Variants in LAMA2 observed in about 807,000 individuals in gnomAD.
The protein encoded by LAMA2 is laminin subunit alpha 2, also known as laminin subunit alpha-2.
A neutral mutation model predicts 364.8 loss-of-function variants in LAMA2; 269 were observed. That is an observed-to-expected ratio of 0.74 (90% confidence interval 0.67 to 0.82). LAMA2 has a LOEUF of 0.82. LAMA2 is among the 40% of genes least tolerant of loss of function. LAMA2 has a pLI of 0.00. For missense variants in LAMA2, 3,807 were observed against 3,873.2 expected, an observed-to-expected ratio of 0.98 and a Z score of 0.45; for synonymous variants, 1,379 against 1,370.6, an observed-to-expected ratio of 1.01 and a Z score of -0.14.
intron 12 of LAMA2, among the ~76,000 whole-genome samples, chr6:129,205,478 G>GTATATATATATATAGATATATATATATA (rs1782568520): frequency 1.7e-5 from 2 of 116,428 alleles, no homozygotes; most frequent in Non-Finnish European, 3.3e-5. Context: ...TATTCTGTAA[G>GTATATATATATATAGATATATATATATA]TATATATATA....
At chr6:129,441,564 T>C (rs1215520701) in intron 43 of LAMA2, among the ~76,000 whole-genome samples, 1 of 152,160 alleles carries the variant, frequency 6.6e-6, no homozygotes, top group Non-Finnish European at 1.5e-5. Flanking sequence ...TATAAAATTA[T>C]ATTGACTTAA....
intron 17 of LAMA2, among the ~76,000 whole-genome samples, chr6:129,279,481 T>C (rs771334318): frequency 6.6e-6 from 1 of 152,174 alleles, no homozygotes; most frequent in Non-Finnish European, 1.5e-5. Flanking sequence ...AGGTTTATGA[T>C]AAGTTTAGGT....
chr6:129,058,207 C>T (rs1174991055), intron 2 of LAMA2, among the ~76,000 whole-genome samples: 2 of 152,202 alleles, frequency 1.3e-5, no homozygotes, highest in Non-Finnish European at 2.9e-5. Context: ...CCTTATATTA[C>T]TTGGAAAATG....
intron 29 of LAMA2, among the ~76,000 whole-genome samples, chr6:129,337,206 A>T (rs1748647575): frequency 6.6e-6 from 1 of 152,214 alleles, no homozygotes; most frequent in African/African-American, 2.4e-5. Context: ...AAGAGTCCTT[A>T]CTTGATTGCA....
At position 129,059,826 on chromosome 6, in the gene LAMA2, G is replaced by C. The variant is rs764625508; in HGVS notation, c.326G>C (p.Trp109Ser). The change falls in exon 3 of 65, where the codon TGG becomes TCG. Residue 109 changes from tryptophan (W) to serine (S), a missense_variant. Physicochemically the swap from Trp to Ser is radical, Grantham distance 177. Transcript: ENST00000421865. The stretch of plus-strand genomic sequence containing the variant: ...AATGCTATTGATGGAAAGAACACTT[G>C]GTGGCAGAGTCCCAGTATTAAGAAT... ...ITNAIDGKNT[W>S]WQSPSIKNGI... The C allele has an allele frequency of 6.2e-7, 1 of 1,610,640 alleles. No homozygotes were observed. The highest frequency in any genetic ancestry group is 1.3e-5 in the African/African-American group (1 of 74,836).
intron 12 of LAMA2, among the ~76,000 whole-genome samples, chr6:129,243,864 GA>G (rs1785558046): frequency 6.6e-6 from 1 of 151,432 alleles, no homozygotes; most frequent in Admixed American, 6.6e-5. Context: ...AAAAGAAGAA[GA>G]AGAAGGAGGA....
At chr6:129,376,677 A>C (rs1341456663) in intron 34 of LAMA2, among the ~76,000 whole-genome samples, 1 of 152,146 alleles carries the variant, frequency 6.6e-6, no homozygotes, top group Non-Finnish European at 1.5e-5. Context: ...CCTTAAAGGT[A>C]ATCTACCTCT....
intron 1 of LAMA2, among the ~76,000 whole-genome samples, chr6:128,906,287 C>A (rs1318361548): frequency 8.0e-6 from 1 of 125,564 alleles, no homozygotes; most frequent in Non-Finnish European, 1.7e-5. Context: ...CACATCCTCT[C>A]CAGCACCTGT....
chr6:129,453,151 T>G lies in LAMA2; in HGVS notation c.6573+20T>G. On this transcript the variant is annotated intron_variant, in intron 46 of 64. Coordinates refer to ENST00000421865, the MANE Select transcript of LAMA2 (RefSeq NM_000426.4). Reference sequence around the variant, plus strand: ...AAATTTGTAAGTCTAATATTCAACTTTTCATTAGGCTGCTGTATGTGTATA... The same window carrying G: ...AAATTTGTAAGTCTAATATTCAACTGTTCATTAGGCTGCTGTATGTGTATA... 2.5e-6 allele frequency: 4 copies of G among 1,606,104 alleles called. No homozygotes were observed. The highest frequency in any genetic ancestry group is 3.4e-6 in the Non-Finnish European group (4 of 1,174,206).
intron 27 of LAMA2, among the ~76,000 whole-genome samples, chr6:129,317,750 A>G (rs1293412935): frequency 1.3e-5 from 2 of 152,226 alleles, no homozygotes; most frequent in Non-Finnish European, 2.9e-5. Flanking sequence ...TTATTTTGCA[A>G]ATGGTTCTGT....
chr6:128,885,125 C>G (rs549194338), intron 1 of LAMA2, among the ~76,000 whole-genome samples: 1 of 152,234 alleles, frequency 6.6e-6, no homozygotes, highest in Admixed American at 6.5e-5. Context: ...TTCAAAATAG[C>G]TACAACATAC....
chr6:129,250,624 G>T (rs547670564), intron 13 of LAMA2, among the ~76,000 whole-genome samples: 1 of 152,050 alleles, frequency 6.6e-6, no homozygotes. Context: ...TGTTTATTTA[G>T]CTATAGTTAA....
intron 29 of LAMA2, among the ~76,000 whole-genome samples, chr6:129,330,137 G>C (rs1213965257): frequency 6.6e-6 from 1 of 151,490 alleles, no homozygotes; most frequent in African/African-American, 2.4e-5. Context: ...TCTATGTTAT[G>C]GTGAGTTGTA....
chr6:128,902,626 A>G (rs1224092856), intron 1 of LAMA2, among the ~76,000 whole-genome samples: 1 of 152,194 alleles, frequency 6.6e-6, no homozygotes, highest in Non-Finnish European at 1.5e-5. Flanking sequence ...TTTAAAGTAG[A>G]AGAGAAGGTA....
chr6:129,028,547 A>C (rs1315555223), intron 1 of LAMA2, among the ~76,000 whole-genome samples: 2 of 151,882 alleles, frequency 1.3e-5, no homozygotes, highest in Non-Finnish European at 3.0e-5. Context: ...TCATAAAAGT[A>C]ATAATCTACC....
chr6:129,078,396 A>G (rs1410824985), intron 3 of LAMA2, among the ~76,000 whole-genome samples: 1 of 151,968 alleles, frequency 6.6e-6, no homozygotes, highest in Non-Finnish European at 1.5e-5. Flanking sequence ...CAGCCTCCCA[A>G]AGTGCTAGGA....
intron 30 of LAMA2, among the ~76,000 whole-genome samples, chr6:129,343,539 T>C (rs1583538893): frequency 6.6e-6 from 1 of 152,188 alleles, no homozygotes; most frequent in African/African-American, 2.4e-5. Context: ...AGTATGTGTA[T>C]GAAAAATAAC....
intron 18 of LAMA2, among the ~76,000 whole-genome samples, chr6:129,281,977 G>A (rs1788748653): frequency 6.6e-6 from 1 of 152,174 alleles, no homozygotes; most frequent in African/African-American, 2.4e-5. Context: ...TGTTGAAGTA[G>A]AAGAGAGGGA....
At chr6:129,017,939 T>C (rs1220656495) in intron 1 of LAMA2, among the ~76,000 whole-genome samples, 1 of 152,048 alleles carries the variant, frequency 6.6e-6, no homozygotes, top group African/African-American at 2.4e-5. Flanking sequence ...GGTCTAAATA[T>C]ATGCACAGCA....
Sources: allele counts gnomAD v4.1 joint callset (sites outside exome capture counted in the v4.1 genomes callset), GRCh38; gene constraint gnomAD v4.1.1; transcripts MANE v1.5; gene names NCBI Gene and HGNC (gene_info 2026-07-23, HGNC 2026-07-21).